Variants in OPCML observed in about 807,000 individuals in gnomAD.
The protein encoded by OPCML is opioid-binding protein/cell adhesion molecule.
Under a neutral mutation model 37.8 loss-of-function variants are expected in OPCML, and 13 were observed. That is an observed-to-expected ratio of 0.34 (90% CI 0.22 to 0.55). The LOEUF is 0.55. Ranked by LOEUF, OPCML falls within the 20% of genes least tolerant of loss-of-function variation. The probability of loss-of-function intolerance (pLI) is 0.91; values close to 1 mark genes in which losing one functional copy is unlikely to be tolerated. For synonymous variants in OPCML, 176 were observed against 168.8 expected, an observed-to-expected ratio of 1.04 and a Z score of -0.33; for missense variants, 341 against 435.6, an observed-to-expected ratio of 0.78 and a Z score of 1.93.
chr11:132,607,799 A>G (rs1385611915), intron 3 of OPCML, among the ~76,000 whole-genome samples: 1 of 152,186 alleles, frequency 6.6e-6, no homozygotes. Context: ...GTTCTTACTC[A>G]TATATGGGTC....
At chr11:133,389,342 C>T (rs1945120403) in intron 1 of OPCML, among the ~76,000 whole-genome samples, 2 of 152,136 alleles carry the variant, frequency 1.3e-5, no homozygotes, top group African/African-American at 4.8e-5. Flanking sequence ...TGCAGAGAAA[C>T]AGGAGGGAGA....
rs1413901687 is a variant in OPCML at position 133,007,570 on chromosome 11, G to A, written c.62-64560C>T. 3 of 985,310 alleles carry A rather than the reference G, an allele frequency of 3.0e-6. No individual in the cohort carries two copies. In the African/African-American group the frequency reaches 5.2e-5, roughly 17 times the overall value. The allele number at this position is 985,310 out of a possible 1,614,324, so 61.0% of individuals were successfully genotyped here. ...ATTCAAAGGTGTTTGAGCCTTCAGA[G>A]GTAAAACTTAAAACTCTAGAATTGC... is the stretch of plus-strand genomic sequence containing the variant. On this transcript the variant is annotated intron_variant, in intron 1 of 7. Coordinates refer to ENST00000524381, the MANE Select transcript of OPCML (RefSeq NM_001012393.5).
At chr11:133,239,732 T>A (rs942901498) in intron 1 of OPCML, among the ~76,000 whole-genome samples, 6 of 152,144 alleles carry the variant, frequency 3.9e-5, no homozygotes, top group African/African-American at 1.4e-4. Flanking sequence ...CAGTGTGAGA[T>A]GACACAGCTG....
intron 4 of OPCML, among the ~76,000 whole-genome samples, chr11:132,515,964 T>C (rs1425760034): frequency 7.2e-5 from 11 of 152,150 alleles, no homozygotes; most frequent in Non-Finnish European, 1.2e-4. Flanking sequence ...CACCAATTTG[T>C]AAAAATCAAA....
intron 2 of OPCML, among the ~76,000 whole-genome samples, chr11:132,725,390 A>G (rs1032778123): frequency 2.0e-5 from 3 of 152,026 alleles, no homozygotes; most frequent in Non-Finnish European, 2.9e-5. Context: ...TGCACACAGC[A>G]GGGGGGGCCC....
intron 1 of OPCML, among the ~76,000 whole-genome samples, chr11:133,072,987 C>T (rs1948561665): frequency 6.6e-6 from 1 of 152,172 alleles, no homozygotes; most frequent in African/African-American, 2.4e-5. Flanking sequence ...ACGGTGAAAC[C>T]TGGAAGGAGG....
chr11:133,447,006 C>A (rs1256974831), intron 1 of OPCML, among the ~76,000 whole-genome samples: 2 of 152,274 alleles, frequency 1.3e-5, no homozygotes, highest in African/African-American at 2.4e-5. Context: ...GCATACAAGT[C>A]TCTTTGCAGA....
In OPCML at chr11:132,424,978, T is replaced by G. The variant is rs1170922086; in HGVS notation, c.917-4685A>C. On this transcript the variant is annotated intron_variant, in intron 7 of 7. Transcript: ENST00000524381. ...GAGAGAGACCACTGGCTGTGAGGGC[T>G]CTGGAGGATGTGGGGCATTGAGCAG... Among the ~76,000 whole-genome samples the G allele has an allele frequency of 2.6e-5, 4 of 152,156 alleles. No homozygotes were observed. In the East Asian group the frequency reaches 5.8e-4, roughly 22 times the overall value.
At chr11:132,453,393 A>G (rs573325907) in intron 4 of OPCML, among the ~76,000 whole-genome samples, 4 of 152,324 alleles carry the variant, frequency 2.6e-5, no homozygotes, top group Admixed American at 1.3e-4. Flanking sequence ...ATCTCCCACT[A>G]GAGAGAAGGA....
chr11:133,208,003 T>C lies in OPCML; in HGVS notation c.62-264993A>G, dbSNP rs1939178197. 6.6e-6 allele frequency among the ~76,000 whole-genome samples: 1 copy of C among 152,198 alleles called. No individual in the cohort carries two copies. The highest frequency in any genetic ancestry group is 1.5e-5 in the Non-Finnish European group (1 of 68,038). On this transcript the variant is annotated intron_variant, in intron 1 of 7. Transcript: ENST00000524381. This position sits in a 1 kb window ranked among gnomAD's most constrained non-coding sequence, Gnocchi z 8.9. ...CCATCTACTTAGCACCTCTACGCTT[T>C]GTAATTAAGAACTCAAACTGCATTT...
intron 1 of OPCML, among the ~76,000 whole-genome samples, chr11:133,295,974 T>G (rs1246338571): frequency 6.6e-6 from 1 of 152,232 alleles, no homozygotes; most frequent in African/African-American, 2.4e-5. Context: ...AATAAAATAT[T>G]TAATGATCAT....
intron 2 of OPCML, among the ~76,000 whole-genome samples, chr11:132,716,361 ATCTGTTG>A (rs1369843946): frequency 3.3e-5 from 5 of 152,110 alleles, no homozygotes; most frequent in African/African-American, 9.7e-5. Flanking sequence ...AAATCTATCT[ATCTGTTG>A]TCTGTCTGTC....
chr11:132,612,005 G>T (rs1258443456), intron 3 of OPCML, among the ~76,000 whole-genome samples: 1 of 152,166 alleles, frequency 6.6e-6, no homozygotes, highest in Non-Finnish European at 1.5e-5. Flanking sequence ...TCTGACCTTG[G>T]TGTTTGATTA....
chr11:133,331,807 T>C (rs1244055490), intron 1 of OPCML, among the ~76,000 whole-genome samples: 1 of 152,172 alleles, frequency 6.6e-6, no homozygotes, highest in Non-Finnish European at 1.5e-5. Context: ...TCTAAATTTT[T>C]CCTGTATTTG....
At chr11:133,184,970 C>T (rs549411465) in intron 1 of OPCML, among the ~76,000 whole-genome samples, 3 of 152,180 alleles carry the variant, frequency 2.0e-5, no homozygotes, top group South Asian at 2.1e-4. Context: ...GATTTTTGTT[C>T]GATGGCTGGC....
At chr11:132,440,247 A>C (rs962686370) in intron 4 of OPCML, among the ~76,000 whole-genome samples, 3 of 152,254 alleles carry the variant, frequency 2.0e-5, no homozygotes, top group African/African-American at 7.2e-5. Flanking sequence ...GATCGTTATA[A>C]TACTACCTCA....
chr11:133,315,569 C>A (rs941327919), intron 1 of OPCML, among the ~76,000 whole-genome samples: 4 of 152,206 alleles, frequency 2.6e-5, no homozygotes, highest in Non-Finnish European at 5.9e-5. Flanking sequence ...AAGGCCAAAG[C>A]GGGTGGATTA....
At chr11:132,616,303 A>T (rs1618929) in intron 3 of OPCML, among the ~76,000 whole-genome samples, 1 of 152,052 alleles carries the variant, frequency 6.6e-6, no homozygotes, top group Non-Finnish European at 1.5e-5. Flanking sequence ...TAATGCACAC[A>T]CTGTTAGTAA....
intron 1 of OPCML, among the ~76,000 whole-genome samples, chr11:133,354,283 ATGGTGGTGCTGGTGGTGG>A (rs1944222016): frequency 2.1e-4 from 3 of 13,978 alleles, no homozygotes; most frequent in Non-Finnish European, 3.2e-4. Context: ...GGTGATAGTG[ATGGTGGTGCTGGTGGTGG>A]TGACGTGTTG....
Sources: allele counts gnomAD v4.1 joint callset (sites outside exome capture counted in the v4.1 genomes callset), GRCh38; gene constraint gnomAD v4.1.1; non-coding constraint Gnocchi (gnomAD v3.1); transcripts MANE v1.5; gene names NCBI Gene and HGNC (gene_info 2026-07-23, HGNC 2026-07-21).